Variants in NR3C2 observed in about 807,000 individuals in gnomAD.
The protein encoded by NR3C2 is nuclear receptor subfamily 3 group C member 2.
Under a neutral mutation model 86.4 loss-of-function variants are expected in NR3C2, and 15 were observed. The ratio of observed to expected loss-of-function variants is 0.17; its 90% confidence interval spans 0.12 to 0.27. The LOEUF is 0.27. Ranked by LOEUF, NR3C2 falls within the 10% of genes least tolerant of loss-of-function variation. The pLI is 1.00. For synonymous variants in NR3C2, 458 were observed against 450.5 expected (o/e 1.02, Z -0.21); for missense variants, 960 against 1,195.6 (o/e 0.80, Z 2.91).
chr4:148,193,461 T>C (rs1333331582), intron 4 of NR3C2, among the ~76,000 whole-genome samples: 1 of 152,204 alleles, frequency 6.6e-6, no homozygotes, highest in African/African-American at 2.4e-5. Flanking sequence ...TGCTGCTTTT[T>C]CTGGAGCTGC....
At chr4:148,122,417 G>A (rs944567705) in intron 6 of NR3C2, among the ~76,000 whole-genome samples, 6 of 152,062 alleles carry the variant, frequency 3.9e-5, no homozygotes, top group African/African-American at 9.7e-5. Context: ...AACTTCCCAC[G>A]TAATTATATT....
chr4:148,338,813 A>T (rs1411188462), intron 2 of NR3C2, among the ~76,000 whole-genome samples: 4 of 152,184 alleles, frequency 2.6e-5, no homozygotes, highest in Non-Finnish European at 5.9e-5. Flanking sequence ...AAAAGTTAGG[A>T]ATTAATTTAA....
At chr4:148,405,966 T>C (rs1031535655) in intron 2 of NR3C2, among the ~76,000 whole-genome samples, 2 of 152,276 alleles carry the variant, frequency 1.3e-5, no homozygotes, top group East Asian at 3.9e-4. Context: ...CAGCACAGCA[T>C]GACTCTGTCT....
chr4:148,163,456 A>G (rs1734750411), intron 4 of NR3C2, among the ~76,000 whole-genome samples: 1 of 152,160 alleles, frequency 6.6e-6, no homozygotes, highest in Non-Finnish European at 1.5e-5. Context: ...GTAAAAGATA[A>G]TTTCAGAAAT....
At chr4:148,179,525 T>A (rs1281919487) in intron 4 of NR3C2, among the ~76,000 whole-genome samples, 5 of 151,656 alleles carry the variant, frequency 3.3e-5, no homozygotes, top group Admixed American at 3.3e-4. Context: ...AAGGCATGAG[T>A]GAGTTCATAA....
intron 5 of NR3C2, among the ~76,000 whole-genome samples, chr4:148,153,296 G>T (rs1734190211): frequency 6.6e-6 from 1 of 152,138 alleles, no homozygotes; most frequent in African/African-American, 2.4e-5. Flanking sequence ...TCCTGCCTCA[G>T]GCTCACAAGT....
At chr4:148,261,631 G>A (rs1421094837) in intron 2 of NR3C2, among the ~76,000 whole-genome samples, 4 of 152,316 alleles carry the variant, frequency 2.6e-5, no homozygotes, top group African/African-American at 9.6e-5. Context: ...GGGGCTCAGA[G>A]AAATGGGAGC....
At chr4:148,097,865 C>A (rs1018322433) in intron 8 of NR3C2, among the ~76,000 whole-genome samples, 1 of 151,418 alleles carries the variant, frequency 6.6e-6, no homozygotes, top group Non-Finnish European at 1.5e-5. Flanking sequence ...GACTGGACAC[C>A]CCTGGCTTAA....
intron 2 of NR3C2, among the ~76,000 whole-genome samples, chr4:148,306,172 T>A (rs934194138): frequency 6.6e-6 from 1 of 152,166 alleles, no homozygotes; most frequent in Non-Finnish European, 1.5e-5. Context: ...CTTATCTCCA[T>A]TTTCAAAAAA....
chr4:148,113,209 G>A (rs1368075576), intron 8 of NR3C2, among the ~76,000 whole-genome samples: 1 of 152,090 alleles, frequency 6.6e-6, no homozygotes, highest in Non-Finnish European at 1.5e-5. Context: ...ATTGACACAA[G>A]ACAAGAAAGG....
At chr4:148,278,108 G>A (rs1283990795) in intron 2 of NR3C2, among the ~76,000 whole-genome samples, 22 of 151,404 alleles carry the variant, frequency 1.5e-4, no homozygotes, top group Non-Finnish European at 2.7e-4. Flanking sequence ...TTGTTTGTTT[G>A]TTTGTTTGTT....
chr4:148,438,790 C>G (rs1007849205), intron 1 of NR3C2, among the ~76,000 whole-genome samples: 2 of 120,776 alleles, frequency 1.7e-5, no homozygotes, highest in African/African-American at 5.2e-5. Context: ...ATAATTACCT[C>G]TTACTTTTCT....
chr4:148,172,112 T>C (rs1313315103), intron 4 of NR3C2, among the ~76,000 whole-genome samples: 2 of 152,182 alleles, frequency 1.3e-5, no homozygotes, highest in Non-Finnish European at 2.9e-5. Context: ...TCTTATTCTT[T>C]GTGTTTTTAC....
intron 2 of NR3C2, among the ~76,000 whole-genome samples, chr4:148,347,816 T>A (rs749494283): frequency 1.8e-4 from 27 of 152,024 alleles, no homozygotes; most frequent in Non-Finnish European, 1.2e-4. Flanking sequence ...CAACCACCAC[T>A]GCACCACTGT....
intron 6 of NR3C2, among the ~76,000 whole-genome samples, chr4:148,151,309 G>C (rs1734091817): frequency 6.6e-6 from 1 of 151,954 alleles, no homozygotes. Context: ...TTTTCTTCTG[G>C]TTTATAGAAC....
At chr4:148,389,452 C>T (rs1747429049) in intron 2 of NR3C2, among the ~76,000 whole-genome samples, 1 of 152,122 alleles carries the variant, frequency 6.6e-6, no homozygotes, top group Admixed American at 6.5e-5. Context: ...TACCGTCTCT[C>T]CTCTTTCCAG....
chr4:148,268,569 A>C (rs544308881), intron 2 of NR3C2, among the ~76,000 whole-genome samples: 1 of 152,244 alleles, frequency 6.6e-6, no homozygotes, highest in Non-Finnish European at 1.5e-5. Flanking sequence ...TTTAAAGCAC[A>C]GTGATGACAA....
intron 2 of NR3C2, among the ~76,000 whole-genome samples, chr4:148,332,631 C>G (rs190468524): frequency 6.6e-6 from 1 of 152,254 alleles, no homozygotes; most frequent in Non-Finnish European, 1.5e-5. Flanking sequence ...GCATCTTAGT[C>G]AAAACATCTC....
At chr4:148,139,625 A>C (rs1733516578) in intron 6 of NR3C2, among the ~76,000 whole-genome samples, 1 of 152,192 alleles carries the variant, frequency 6.6e-6, no homozygotes, top group East Asian at 1.9e-4. Flanking sequence ...GATGTTATAC[A>C]AGGTTGTCAC....
Sources: allele counts gnomAD v4.1 joint callset (sites outside exome capture counted in the v4.1 genomes callset), GRCh38; gene constraint gnomAD v4.1.1; transcripts MANE v1.5; gene names NCBI Gene and HGNC (gene_info 2026-07-23, HGNC 2026-07-21).